The following ATP10B variants were observed in gnomAD, a reference collection of about 807,000 sequenced individuals.
ATP10B encodes ATPase phospholipid transporting 10B (putative), also known as phospholipid-transporting ATPase VB.
A neutral mutation model predicts 141.2 loss-of-function variants in ATP10B; 122 were observed. The observed-to-expected ratio is 0.86, with a 90% CI of 0.75 to 1.00. The LOEUF (loss-of-function observed/expected upper bound fraction) is 1.00, where lower values mean the gene tolerates loss of function less well. ATP10B is among the 50% of genes least tolerant of loss of function. The probability of loss-of-function intolerance (pLI) is 0.00; values close to 1 mark genes in which losing one functional copy is unlikely to be tolerated. For synonymous variants in ATP10B, 685 were observed against 692.0 expected, an observed-to-expected ratio of 0.99 and a Z score of 0.16; for missense variants, 1,876 against 1,825.3, an observed-to-expected ratio of 1.03 and a Z score of -0.51.
At chr5:160,915,524 GT>G in the ATP10B span, among the ~76,000 whole-genome samples, 1 of 152,106 alleles carries the variant, frequency 6.6e-6, no homozygotes, top group East Asian at 1.9e-4. Context: ...CAGAGATGGG[GT>G]TTTACCGTGT....
chr5:160,827,002 G>T (rs1212183927), intron 1 of ATP10B, among the ~76,000 whole-genome samples: 1 of 152,096 alleles, frequency 6.6e-6, no homozygotes, highest in Admixed American at 6.5e-5. Flanking sequence ...CTTTTGCCCT[G>T]GTCCTGTTTC....
intron 2 of ATP10B, among the ~76,000 whole-genome samples, chr5:160,767,635 A>ACCCCCCCCCC (rs531198402): frequency 4.6e-5 from 4 of 86,664 alleles, no homozygotes; most frequent in African/African-American, 1.5e-4. Context: ...TGTGTGCAGA[A>ACCCCCCCCCC]CCCCCCCCCC....
chr5:160,765,544 T>C (rs941750612), intron 2 of ATP10B, among the ~76,000 whole-genome samples: 4 of 152,082 alleles, frequency 2.6e-5, no homozygotes, highest in African/African-American at 7.2e-5. Flanking sequence ...TTATCTCTTA[T>C]CTTATACAAA....
chr5:160,602,501 CA>C, intron 21 of ATP10B, 75 bp downstream of exon 21: 3 of 1,593,410 alleles, frequency 1.9e-6, no homozygotes, highest in Non-Finnish European at 2.6e-6. Flanking sequence ...GTGCTTTGCC[CA>C]CTGCTAGGGA....
intron 2 of ATP10B, among the ~76,000 whole-genome samples, chr5:160,756,994 C>T (rs1202735623): frequency 1.3e-5 from 2 of 151,820 alleles, no homozygotes; most frequent in African/African-American, 4.8e-5. Flanking sequence ...TTCACGCTTT[C>T]TTGTTGTTTT....
Position 160,620,831 on chromosome 5 carries a change from G to T in ATP10B, c.1932C>A (p.Asp644Glu), listed in dbSNP as rs1310482804. The T allele has an allele frequency of 6.2e-7, 1 of 1,614,096 alleles. No homozygotes were observed. The highest frequency in any genetic ancestry group is 1.3e-5 in the African/African-American group (1 of 74,934). ...SQSFSSTAPS[D>E]TDLGESLGAN... ...CCCCTAAGCTCTCCCCGAGGTCTGT[G>T]TCAGAGGGTGCAGTGGATGAGAATG... is the stretch of plus-strand genomic sequence containing the variant. The change falls in exon 15 of 26, where the codon GAC (aspartate) becomes GAA (glutamate). Residue 644 changes from aspartate (D) to glutamate (E), a missense_variant. Asp to Glu is a conservative substitution (Grantham distance 45). Coordinates refer to ENST00000327245, the MANE Select transcript of ATP10B (RefSeq NM_025153.3).
intron 6 of ATP10B, among the ~76,000 whole-genome samples, chr5:160,684,059 T>C (rs1049810633): frequency 1.3e-5 from 2 of 152,172 alleles, no homozygotes; most frequent in East Asian, 1.9e-4. Context: ...CTAAAAAATA[T>C]TGCATCTCTG....
At chr5:160,599,018 G>C (rs17480493) in intron 21 of ATP10B, 48 bp from the exon 22 acceptor site, 2 of 1,582,830 alleles carry the variant, frequency 1.3e-6, no homozygotes, top group South Asian at 1.1e-5. Context: ...ATGTGCAGCC[G>C]GTCACCAGCT....
At chr5:160,646,342 C>T (rs1054406767) in intron 8 of ATP10B, among the ~76,000 whole-genome samples, 4 of 152,128 alleles carry the variant, frequency 2.6e-5, no homozygotes, top group Non-Finnish European at 5.9e-5. Context: ...GTTTGTCTAT[C>T]CTACTTTTTA....
intron 2 of ATP10B, among the ~76,000 whole-genome samples, chr5:160,734,501 A>C (rs1766972776): frequency 6.6e-6 from 1 of 152,160 alleles, no homozygotes; most frequent in Admixed American, 6.5e-5. Flanking sequence ...AAAGTGGTAC[A>C]TATAAACTCT....
In ATP10B at chr5:160,796,831, G is replaced by T. The variant is rs140079496; in HGVS notation, c.-575-11028C>A. On this transcript the variant is annotated intron_variant, in intron 1 of 25. Transcript: ENST00000327245. ...AGGACAAGAAGGGAATCCAGAGGAG[G>T]GGGAGGAAAGGGAGAAAAGGTGGCT... Among the ~76,000 whole-genome samples, 8 of 152,270 alleles carry T rather than the reference G, an allele frequency of 5.3e-5. No individual in the cohort carries two copies. In the East Asian group the frequency reaches 1.4e-3, roughly 26 times the overall value.
chr5:160,808,372 A>G (rs1305894799), intron 1 of ATP10B, among the ~76,000 whole-genome samples: 1 of 152,174 alleles, frequency 6.6e-6, no homozygotes, highest in Non-Finnish European at 1.5e-5. Context: ...TGAGCATGGC[A>G]AGTTGTCTCT....
the ATP10B span, among the ~76,000 whole-genome samples, chr5:160,911,201 C>T: frequency 9.4e-3 from 1,432 of 152,282 alleles, 23 homozygotes; most frequent in African/African-American, 0.033. Flanking sequence ...AGCATAATCT[C>T]CATTACCTTC....
intron 5 of ATP10B, chr5:160,686,821 G>A (rs915754857): frequency 1.0e-5 from 4 of 386,718 alleles, no homozygotes; most frequent in African/African-American, 8.7e-5. Context: ...ATACAGCAGA[G>A]GGCTCTGGAG....
chr5:160,620,216 G>A (rs1758246922), intron 15 of ATP10B, 131 bp downstream of exon 15: 4 of 1,192,212 alleles, frequency 3.4e-6, no homozygotes, highest in Non-Finnish European at 4.7e-6. Context: ...AAAACATCTT[G>A]TAGGTCTGTA....
the ATP10B span, among the ~76,000 whole-genome samples, chr5:160,911,878 T>C: frequency 1.3e-5 from 2 of 152,194 alleles, no homozygotes; most frequent in Non-Finnish European, 2.9e-5. Flanking sequence ...TTAAACATAA[T>C]GATGCACTAG....
intron 2 of ATP10B, among the ~76,000 whole-genome samples, chr5:160,730,373 G>C (rs746311321): frequency 1.3e-5 from 2 of 152,030 alleles, no homozygotes; most frequent in Non-Finnish European, 2.9e-5. Flanking sequence ...CTCTTCTTCA[G>C]ATGAGGAACT....
chr5:160,739,882 G>A (rs1767352316), intron 2 of ATP10B, among the ~76,000 whole-genome samples: 1 of 152,002 alleles, frequency 6.6e-6, no homozygotes, highest in Non-Finnish European at 1.5e-5. Context: ...AGGCTATGTT[G>A]CCCAGGCTAG....
intron 19 of ATP10B, among the ~76,000 whole-genome samples, chr5:160,605,125 C>G (rs1424153198): frequency 6.6e-6 from 1 of 152,118 alleles, no homozygotes; most frequent in Non-Finnish European, 1.5e-5. Context: ...GTTTGCCAAC[C>G]CTTGTTCTTG....
Sources: gnomAD v4.1 joint callset for allele counts (sites outside exome capture counted in the v4.1 genomes callset) on GRCh38, gnomAD v4.1.1 for gene constraint, MANE v1.5 for transcripts, NCBI Gene and HGNC (gene_info 2026-07-23, HGNC 2026-07-21) for gene names.